CHD7: variants seen among roughly 807,000 people sequenced by gnomAD.
CHD7 encodes chromodomain helicase DNA binding protein 7.
CHD7 carries 24 observed loss-of-function variants against 307.3 expected under a neutral mutation model. The ratio of observed to expected loss-of-function variants is 0.08; its 90% CI spans 0.06 to 0.11. The LOEUF is 0.11. Ranked by LOEUF, CHD7 falls within the 10% of genes least tolerant of loss-of-function variation. The pLI is 1.00. For missense variants in CHD7, 3,106 were observed against 3,727.1 expected (o/e 0.83, Z 4.34); for synonymous variants, 1,363 against 1,349.9 (o/e 1.01, Z -0.21).
rs769003426 is a variant in CHD7 at position 60,781,300 on chromosome 8, C to T, written c.1966C>T (p.Pro656Ser). 68 of 1,565,278 alleles carry T rather than the reference C, an allele frequency of 4.3e-5. No homozygotes were observed. The highest frequency in any genetic ancestry group is 4.6e-5 in the Non-Finnish European group (53 of 1,155,740). ...AAAGGCAAAAAAAGACCCGAAGGAACCGAAAGAACCCAAGGAGAAAAAAGA... is the reference window on the plus strand; with the variant it reads ...AAAGGCAAAAAAAGACCCGAAGGAATCGAAAGAACCCAAGGAGAAAAAAGA... ...RSKAKKDPKEPKEPKEKKEPK... is the reference protein window; with the variant it reads ...RSKAKKDPKESKEPKEKKEPK... The change falls in exon 3 of 38, where the codon CCG (proline) becomes TCG (serine). Residue 656 changes from proline (P) to serine (S), a missense_variant. Transcript: ENST00000423902.
intron 16 of CHD7, among the ~76,000 whole-genome samples, chr8:60,836,568 A>G (rs974469314): frequency 6.6e-6 from 1 of 152,220 alleles, no homozygotes; most frequent in Non-Finnish European, 1.5e-5. Flanking sequence ...TCTTACTGTT[A>G]TAGGTGTCAG....
In CHD7 at chr8:60,866,058, A is replaced by T; in HGVS notation, c.*125A>T. ...TCTGTAACATAGTGTAGCAAAAAAA[A>T]AAGTTCAAGTCATGTTATACAGGTG... On this transcript the variant is annotated 3_prime_UTR_variant, in exon 38 of 38. Transcript: ENST00000423902. 1.1e-6 allele frequency: 1 copy of T among 878,882 alleles called. No homozygotes were observed. Among genetic ancestry groups the T allele is most frequent in the Non-Finnish European group, 1.7e-6 (1 of 575,826 alleles). The allele number at this position is 878,882 out of a possible 1,614,324, so 54.4% of individuals were successfully genotyped here. A position where few individuals can be genotyped will look rare whatever the true frequency, so the allele number is the denominator to read the frequency against.
At chr8:60,783,039 CATTAAT>C (rs1482871379) in intron 3 of CHD7, among the ~76,000 whole-genome samples, 1 of 152,022 alleles carries the variant, frequency 6.6e-6, no homozygotes, top group African/African-American at 2.4e-5. Flanking sequence ...GGAAATACAT[CATTAAT>C]ATTAATCTTA....
intron 2 of CHD7, among the ~76,000 whole-genome samples, chr8:60,758,585 T>C (rs1810008948): frequency 6.6e-6 from 1 of 152,220 alleles, no homozygotes; most frequent in Non-Finnish European, 1.5e-5. Context: ...TGAGTTACTT[T>C]CGTTGAAGTG....
chr8:60,679,329 G>C (rs926475645), intron 1 of CHD7, among the ~76,000 whole-genome samples: 9 of 146,628 alleles, frequency 6.1e-5, no homozygotes, highest in Non-Finnish European at 1.4e-4. Flanking sequence ...AGCGCCGCCC[G>C]GCGCCCCAAC....
At chr8:60,805,054 C>A (rs1481714214) in intron 6 of CHD7, among the ~76,000 whole-genome samples, 1 of 152,114 alleles carries the variant, frequency 6.6e-6, no homozygotes, top group Non-Finnish European at 1.5e-5. Flanking sequence ...GGGAATAGTT[C>A]TTTGACTTAG....
At chr8:60,754,367 T>G (rs182205912) in intron 2 of CHD7, among the ~76,000 whole-genome samples, 40 of 152,364 alleles carry the variant, frequency 2.6e-4, no homozygotes, top group Admixed American at 1.5e-3. Flanking sequence ...AATGAGATAA[T>G]GACTGTAAAA....
At position 60,800,244 on chromosome 8, in the gene CHD7, G is replaced by A. The variant is rs1586350244; in HGVS notation, c.2239-144G>A. The A allele has an allele frequency of 4.8e-6, 3 of 620,558 alleles. No individual in the cohort carries two copies. In the South Asian group the frequency reaches 7.4e-5, roughly 15 times the overall value. 38.4% of individuals were successfully genotyped at this position (620,558 alleles called of 1,614,324 possible). A position where few individuals can be genotyped will look rare whatever the true frequency, so the allele number is the denominator to read the frequency against. ...AGACGGTGTTTCACCATGTTAGCCAGGATGGTCTCGATCTCCTGACCTTGT... is the reference window on the plus strand; with the variant it reads ...AGACGGTGTTTCACCATGTTAGCCAAGATGGTCTCGATCTCCTGACCTTGT... On this transcript the variant is annotated intron_variant, in intron 4 of 37. Coordinates refer to ENST00000423902, the MANE Select transcript of CHD7 (RefSeq NM_017780.4).
chr8:60,814,514 C>T (rs1177412568), intron 7 of CHD7, among the ~76,000 whole-genome samples: 4 of 152,182 alleles, frequency 2.6e-5, no homozygotes, highest in Admixed American at 6.5e-5. Flanking sequence ...GGCGTGATCT[C>T]AGCTCACTGC....
chr8:60,864,062 T>C (rs1239729037), intron 37 of CHD7: 1 of 152,094 alleles, frequency 6.6e-6, no homozygotes, highest in Non-Finnish European at 1.5e-5. Flanking sequence ...AGATATTTAA[T>C]TGACAAAAAT....
At position 60,745,259 on chromosome 8, in the gene CHD7, A is replaced by C. The variant is rs184722485; in HGVS notation, c.1665+2162A>C. On this transcript the variant is annotated intron_variant, in intron 2 of 37. Transcript: ENST00000423902. Reference sequence around the variant, plus strand: ...GGATATTTTAGAGCAGTGGTTTCTCAGACTTCTCATTCCGACATCCTCTGT... The same window carrying C: ...GGATATTTTAGAGCAGTGGTTTCTCCGACTTCTCATTCCGACATCCTCTGT... 3.2e-3 allele frequency among the ~76,000 whole-genome samples: 492 copies of C among 152,332 alleles called. 2 individuals carry two copies. The highest frequency in any genetic ancestry group is 5.4e-3 in the Non-Finnish European group (368 of 68,030).
At chr8:60,704,048 C>T (rs906406563) in intron 1 of CHD7, among the ~76,000 whole-genome samples, 1 of 152,164 alleles carries the variant, frequency 6.6e-6, no homozygotes, top group South Asian at 2.1e-4. Flanking sequence ...CTTTTTTCCC[C>T]TGATGCTTCC....
Position 60,838,166 on chromosome 8 carries a change from T to C in CHD7, c.4444T>C (p.Phe1482Leu). ...GGATGAGGAGGATGAAGGGTCTAAATTCTGTGAAGAAGATATTGATCAGAT... is the reference window on the plus strand; with the variant it reads ...GGATGAGGAGGATGAAGGGTCTAAACTCTGTGAAGAAGATATTGATCAGAT... ...LMDEEDEGSK[F>L]CEEDIDQILL... The change falls in exon 19 of 38, where the codon TTC becomes CTC. Residue 1482 changes from phenylalanine to leucine, a missense_variant. Around this residue, in one of 10 missense-constraint regions of CHD7, gnomAD observed 93 missense variants for 176.4 expected, o/e 0.53. Coordinates refer to ENST00000423902, the MANE Select transcript of CHD7 (RefSeq NM_017780.4). The C allele has an allele frequency of 6.3e-7, 1 of 1,584,686 alleles. No homozygotes were observed. Among genetic ancestry groups the C allele is most frequent in the Non-Finnish European group, 8.6e-7 (1 of 1,164,640 alleles).
intron 1 of CHD7, among the ~76,000 whole-genome samples, chr8:60,729,963 A>G (rs555112584): frequency 1.3e-5 from 2 of 152,228 alleles, no homozygotes; most frequent in Non-Finnish European, 2.9e-5. Context: ...ACTCATATGT[A>G]TGAAGTACTT....
At chr8:60,820,616 G>A (rs1236042728) in intron 9 of CHD7, among the ~76,000 whole-genome samples, 1 of 152,230 alleles carries the variant, frequency 6.6e-6, no homozygotes, top group Non-Finnish European at 1.5e-5. Flanking sequence ...TGATAGGGAA[G>A]TAAGAATGAA....
At chr8:60,726,140 A>G (rs1808147564) in intron 1 of CHD7, among the ~76,000 whole-genome samples, 1 of 152,222 alleles carries the variant, frequency 6.6e-6, no homozygotes, top group African/African-American at 2.4e-5. Flanking sequence ...CATAACATAT[A>G]TGTATTCGAT....
In CHD7 at chr8:60,856,166, G is replaced by A. The variant is rs1224297397; in HGVS notation, c.7128G>A (p.Gly2376=). The part of the protein sequence containing the change: ...LSMVGQASIS[G]SEDITTSPQL... ...TGGTCGGCCAAGCCAGCATTAGTGGGAGTGAGGACATCACTACGTCTCCTC... is the reference window on the plus strand; with the variant it reads ...TGGTCGGCCAAGCCAGCATTAGTGGAAGTGAGGACATCACTACGTCTCCTC... Residue 2376 remains glycine (G), a synonymous_variant, in exon 33 of 38, where the codon GGG becomes GGA. Transcript: ENST00000423902. 3.7e-6 allele frequency: 6 copies of A among 1,603,524 alleles called. No individual in the cohort carries two copies. The East Asian group carries it at 1.1e-4, about 30-fold the overall frequency.
At chr8:60,824,139 T>C in intron 13 of CHD7, 123 bp downstream of exon 13, 1 of 856,038 alleles carries the variant, frequency 1.2e-6, no homozygotes, top group Non-Finnish European at 1.8e-6. Context: ...TATTGTGATA[T>C]ATTCTCTGGC....
chr8:60,788,727 C>T (rs781209895), intron 3 of CHD7, among the ~76,000 whole-genome samples: 78 of 152,270 alleles, frequency 5.1e-4, no homozygotes, highest in Non-Finnish European at 8.2e-4. Flanking sequence ...ATCTGGGCAG[C>T]GCACTGAGCA....
Sources: gnomAD v4.1 joint callset for allele counts (sites outside exome capture counted in the v4.1 genomes callset) on GRCh38, gnomAD v4.1.1 for gene constraint, gnomAD v4.1.1 regional missense constraint, MANE v1.5 for transcripts, NCBI Gene and HGNC (gene_info 2026-07-23, HGNC 2026-07-21) for gene names.